PHYKPL: variants seen among roughly 807,000 people sequenced by gnomAD.
The protein encoded by PHYKPL is 5-phosphohydroxy-L-lysine phospho-lyase, also known as 5-phosphonooxy-L-lysine phospho-lyase.
In PHYKPL, 42 loss-of-function variants were observed where a neutral mutation model predicts 51.3. That is an observed-to-expected ratio of 0.82 (90% confidence interval 0.64 to 1.06). The LOEUF is 1.06. Among genes scored for constraint, PHYKPL ranks in the 50% least tolerant of loss-of-function variants. PHYKPL has a pLI of 0.00. For missense variants in PHYKPL, 655 were observed against 586.6 expected (o/e 1.12, Z -1.20); for synonymous variants, 264 against 236.0 (o/e 1.12, Z -1.09).
intron 3 of PHYKPL, among the ~76,000 whole-genome samples, chr5:178,226,929 A>ATG (rs1474886827): frequency 6.6e-6 from 1 of 152,126 alleles, no homozygotes; most frequent in East Asian, 1.9e-4. Flanking sequence ...TTATATATAT[A>ATG]TGTGTGTATA....
intron 3 of PHYKPL, chr5:178,228,488 C>T (rs938541078): frequency 2.9e-6 from 2 of 701,040 alleles, no homozygotes; most frequent in Non-Finnish European, 5.2e-6. Context: ...CCTCCACCAC[C>T]ACTGAGGAAG....
chr5:178,228,827 C>T (rs1211191210), intron 3 of PHYKPL, among the ~76,000 whole-genome samples: 2 of 152,246 alleles, frequency 1.3e-5, no homozygotes, highest in Non-Finnish European at 2.9e-5. Context: ...ACAGTGTCCA[C>T]TCTTGCACTC....
In PHYKPL at chr5:178,224,630, G is replaced by A. The variant is rs763062091; in HGVS notation, c.501+12C>T. The stretch of plus-strand genomic sequence containing the variant: ...CAGGCACCGACCTGTTGTTGAGTTG[G>A]GCAGTGCATACCACGTGGACCCACT... On this transcript the variant is annotated intron_variant, in intron 5 of 12. Coordinates refer to ENST00000308158, the MANE Select transcript of PHYKPL (RefSeq NM_153373.4). 7.4e-6 allele frequency: 12 copies of A among 1,614,204 alleles called. No homozygotes were observed. Among genetic ancestry groups the A allele is most frequent in the South Asian group, 1.1e-5 (1 of 91,086 alleles).
intron 1 of PHYKPL, chr5:178,232,218 G>A (rs1157946385): frequency 2.4e-6 from 3 of 1,259,962 alleles, no homozygotes; most frequent in African/African-American, 3.1e-5. Flanking sequence ...CAGCCGAACA[G>A]CGGTGAGGGC....
chr5:178,225,454 CTG>C, intron 3 of PHYKPL, 25 bp from the exon 4 acceptor site: 1 of 1,613,582 alleles, frequency 6.2e-7, no homozygotes, highest in Non-Finnish European at 8.5e-7. Flanking sequence ...GTGGGCATGA[CTG>C]AGAGAGTAGT....
intron 8 of PHYKPL, among the ~76,000 whole-genome samples, chr5:178,217,226 ATTTTTT>A (rs58049202): frequency 7.0e-6 from 1 of 143,652 alleles, no homozygotes; most frequent in Admixed American, 7.0e-5. Flanking sequence ...GGCTCAACAG[ATTTTTT>A]TTTTTTTTTT....
chr5:178,228,695 C>T (rs969769135), intron 3 of PHYKPL: 1 of 686,674 alleles, frequency 1.5e-6, no homozygotes. Context: ...TCAACGCCAC[C>T]ACCTACGATT....
Position 178,231,509 on chromosome 5 carries a change from A to T in PHYKPL, c.74T>A (p.Leu25His), listed in dbSNP as rs200624018. The change falls in exon 2 of 13, where the codon CTC (leucine) becomes CAC (histidine). Residue 25 changes from leucine to histidine, a missense_variant. Transcript: ENST00000308158. ...CTTAACAGGATCCTCGGGAAAAAAGAGTCTGCAGGAAGAGCTGTGGGGACA... is the reference window on the plus strand; with the variant it reads ...CTTAACAGGATCCTCGGGAAAAAAGTGTCTGCAGGAAGAGCTGTGGGGACA... ...RQRLISSSCRLFFPEDPVKIV... is the reference protein window; with the variant it reads ...RQRLISSSCRHFFPEDPVKIV... 2 of 1,614,078 alleles carry T rather than the reference A, an allele frequency of 1.2e-6. No individual in the cohort carries two copies.
intron 12 of PHYKPL, chr5:178,210,368 A>G: frequency 2.5e-6 from 4 of 1,594,204 alleles, no homozygotes; most frequent in Non-Finnish European, 3.4e-6. Flanking sequence ...CTTTGGAGTC[A>G]GACAGGCCTG....
In PHYKPL at chr5:178,224,504, C is replaced by A; in HGVS notation, c.562G>T (p.Ala188Ser). 6.2e-7 allele frequency: 1 copy of A among 1,613,072 alleles called. No homozygotes were observed. Among genetic ancestry groups the A allele is most frequent in the Non-Finnish European group, 8.5e-7 (1 of 1,179,358 alleles). ...ACACGTTTCACCTCGTTGGCATAGGCCATAGCTGGGTTGGGGTGGTCCTCC... is the reference window on the plus strand; with the variant it reads ...ACACGTTTCACCTCGTTGGCATAGGACATAGCTGGGTTGGGGTGGTCCTCC... ...YREDHPNPAMAYANEVKRVVS... is the reference protein window; with the variant it reads ...YREDHPNPAMSYANEVKRVVS... The change falls in exon 6 of 13, where the codon GCC (alanine) becomes TCC (serine). Residue 188 changes from alanine (A) to serine (S), a missense_variant. Physicochemically the swap from Ala to Ser is moderately conservative, Grantham distance 99. Coordinates refer to ENST00000308158, the MANE Select transcript of PHYKPL (RefSeq NM_153373.4).
rs1763767240 is a variant in PHYKPL at position 178,232,629 on chromosome 5, G to A, written c.-79C>T. 2.4e-6 allele frequency: 3 copies of A among 1,233,426 alleles called. No homozygotes were observed. Among genetic ancestry groups the A allele is most frequent in the African/African-American group, 3.1e-5 (2 of 63,990 alleles). 76.4% of individuals were successfully genotyped at this position (1,233,426 alleles called of 1,614,324 possible). On this transcript the variant is annotated 5_prime_UTR_variant, in exon 1 of 13. Coordinates refer to ENST00000308158, the MANE Select transcript of PHYKPL (RefSeq NM_153373.4). ...GGCTGGGCCTCCAAGGCCCCGCTCCGGGCCCCGCCCCTGCCTGGGTCGGGA... is the reference window on the plus strand; with the variant it reads ...GGCTGGGCCTCCAAGGCCCCGCTCCAGGCCCCGCCCCTGCCTGGGTCGGGA...
At chr5:178,223,556 G>A (rs1761642501) in intron 6 of PHYKPL, 1 of 450,508 alleles carries the variant, frequency 2.2e-6, no homozygotes, top group Non-Finnish European at 4.5e-6. Context: ...ATGGGATACT[G>A]GTCCCCCACA....
intron 6 of PHYKPL, chr5:178,223,928 T>C (rs1321074425): frequency 5.0e-6 from 1 of 198,880 alleles, no homozygotes; most frequent in Non-Finnish European, 1.0e-5. Flanking sequence ...CGCATTCCAA[T>C]CCATCCTCCA....
At chr5:178,209,699 T>TGATGG (rs1332156402) in intron 12 of PHYKPL, among the ~76,000 whole-genome samples, 5 of 152,146 alleles carry the variant, frequency 3.3e-5, no homozygotes, top group African/African-American at 1.2e-4. Flanking sequence ...GGAGGGGATG[T>TGATGG]GATGGGTGTC....
At chr5:178,207,992 T>C (rs544146890), downstream of PHYKPL, among the ~76,000 whole-genome samples, 1 of 152,254 alleles carries the variant, frequency 6.6e-6, no homozygotes, top group Admixed American at 6.5e-5. Flanking sequence ...GGCACCTCTT[T>C]AAGTTAACCC....
chr5:178,219,350 AC>A (rs1760630365), intron 8 of PHYKPL, among the ~76,000 whole-genome samples: 1 of 152,164 alleles, frequency 6.6e-6, no homozygotes, highest in Non-Finnish European at 1.5e-5. Flanking sequence ...ACACACAGAC[AC>A]ACACACATAC....
intron 6 of PHYKPL, chr5:178,223,286 C>T: frequency 2.3e-6 from 1 of 441,788 alleles, no homozygotes; most frequent in South Asian, 1.7e-5. Context: ...AGCCCCCTCT[C>T]TAAACCTACT....
At chr5:178,219,018 T>C (rs927537139) in intron 8 of PHYKPL, among the ~76,000 whole-genome samples, 3 of 152,258 alleles carry the variant, frequency 2.0e-5, no homozygotes, top group East Asian at 1.9e-4. Context: ...AAGGATGTAA[T>C]TGGATTCCTG....
intron 3 of PHYKPL, chr5:178,225,684 GA>G: frequency 2.0e-6 from 1 of 509,076 alleles, no homozygotes; most frequent in South Asian, 2.4e-5. Flanking sequence ...AAGTTGTTTT[GA>G]AAAAACCCAA....
Sources: gnomAD v4.1 joint callset for allele counts (sites outside exome capture counted in the v4.1 genomes callset) on GRCh38, gnomAD v4.1.1 for gene constraint, MANE v1.5 for transcripts, NCBI Gene and HGNC (gene_info 2026-07-23, HGNC 2026-07-21) for gene names.